CACNG7: variants seen among roughly 807,000 people sequenced by gnomAD.
CACNG7 encodes the protein voltage-dependent calcium channel gamma-7 subunit.
A neutral mutation model predicts 26.3 loss-of-function variants in CACNG7; 9 were observed. The ratio of observed to expected loss-of-function variants is 0.34; its 90% CI spans 0.21 to 0.60. CACNG7 has a LOEUF of 0.60. Among genes scored for constraint, CACNG7 ranks in the 20% least tolerant of loss-of-function variants. CACNG7 has a pLI of 0.81. For synonymous variants in CACNG7, 170 were observed against 157.0 expected (o/e 1.08, Z -0.62); for missense variants, 297 against 380.4 (o/e 0.78, Z 1.82).
At chr19:53,938,765 G>C (rs1482048450) in intron 4 of CACNG7, among the ~76,000 whole-genome samples, 1 of 150,918 alleles carries the variant, frequency 6.6e-6, no homozygotes. Flanking sequence ...TGGGCAACAT[G>C]GCAAAACCCT....
rs751783811 is a variant in CACNG7, at chr19:53,942,337, C to T, written c.*44C>T. The T allele has an allele frequency of 2.1e-6, 3 of 1,462,224 alleles. No homozygotes were observed. Among genetic ancestry groups the T allele is most frequent in the Non-Finnish European group, 1.8e-6 (2 of 1,112,244 alleles). 90.6% of individuals were successfully genotyped at this position (1,462,224 alleles called of 1,614,324 possible). ...CCCCCTGCCTCCTCCTCCTCCTCGTCTTAGGGGGGTCTCCCTGCAATGCAG... is the reference window on the plus strand; with the variant it reads ...CCCCCTGCCTCCTCCTCCTCCTCGTTTTAGGGGGGTCTCCCTGCAATGCAG... On this transcript the variant is annotated 3_prime_UTR_variant, in exon 6 of 6. Transcript: ENST00000391767. The surrounding 1 kb of genome is among the most constrained non-coding windows in gnomAD (Gnocchi z 5.9).
chr19:53,939,550 C>A lies in CACNG7; in HGVS notation c.425-1920C>A, dbSNP rs1046479310. On this transcript the variant is annotated intron_variant, in intron 4 of 5. Coordinates refer to ENST00000391767, the MANE Select transcript of CACNG7 (RefSeq NM_031896.5). The surrounding 1 kb of genome is among the most constrained non-coding windows in gnomAD (Gnocchi z 4.2). ...TCACACAATATGTGATATTTTGCATCTGGCTTCTTTTAGCTTGCTTTCTAG... is the reference window on the plus strand; with the variant it reads ...TCACACAATATGTGATATTTTGCATATGGCTTCTTTTAGCTTGCTTTCTAG... Among the ~76,000 whole-genome samples, 2 of 152,300 alleles carry A rather than the reference C, an allele frequency of 1.3e-5. No individual in the cohort carries two copies. The highest frequency in any genetic ancestry group is 3.9e-4 in the East Asian group (2 of 5,188).
intron 1 of CACNG7, among the ~76,000 whole-genome samples, chr19:53,911,434 G>A (rs986664410): frequency 6.6e-6 from 1 of 152,128 alleles, no homozygotes; most frequent in Non-Finnish European, 1.5e-5. Context: ...GGGTTCCAAT[G>A]TTCTGGGACT....
chr19:53,937,179 G>A (rs911849460), intron 4 of CACNG7, among the ~76,000 whole-genome samples: 2 of 152,106 alleles, frequency 1.3e-5, no homozygotes, highest in African/African-American at 4.8e-5. Context: ...CATGAGCCAC[G>A]GTGCCCAGCC....
At chr19:53,923,927 C>T (rs997267924) in intron 4 of CACNG7, among the ~76,000 whole-genome samples, 4 of 133,750 alleles carry the variant, frequency 3.0e-5, no homozygotes, top group East Asian at 2.4e-4. Flanking sequence ...GTGGAGTTGT[C>T]CCCAGGTCTG....
chr19:53,930,073 A>AC lies in CACNG7; in HGVS notation c.425-11396dup, dbSNP rs2069060664. On this transcript the variant is annotated intron_variant, in intron 4 of 5. Coordinates refer to ENST00000391767, the MANE Select transcript of CACNG7 (RefSeq NM_031896.5). ...ATAATGTTAGATGGTGCTACATGCT[A>AC]CAAAAAAAAAAAAAAAAAAAGCAGG... 1.7e-5 allele frequency among the ~76,000 whole-genome samples: 2 copies of AC among 117,526 alleles called. 1 individual carries two copies. The highest frequency in any genetic ancestry group is 3.5e-5 in the Non-Finnish European group (2 of 57,854). The allele number at this position is 117,526 out of a possible 152,430, so 77.1% of individuals were successfully genotyped here.
intron 4 of CACNG7, among the ~76,000 whole-genome samples, chr19:53,932,753 T>C (rs571743508): frequency 6.6e-6 from 1 of 152,262 alleles, no homozygotes; most frequent in African/African-American, 2.4e-5. Flanking sequence ...TTATGTGGAA[T>C]TCCCACATTG....
intron 4 of CACNG7, among the ~76,000 whole-genome samples, chr19:53,925,617 C>G (rs1369686530): frequency 5.7e-5 from 6 of 104,882 alleles, no homozygotes; most frequent in Non-Finnish European, 1.1e-4. Flanking sequence ...TGCCCCAGGT[C>G]TGGTATTGGT....
At chr19:53,941,963 TGA>T in intron 5 of CACNG7, 71 bp from the exon 6 acceptor site, 1 of 1,474,982 alleles carries the variant, frequency 6.8e-7, no homozygotes, top group Non-Finnish European at 9.0e-7. Flanking sequence ...AGTCCTGGAG[TGA>T]GAGGAGATGA....
chr19:53,924,370 G>T (rs1208289748), intron 4 of CACNG7, among the ~76,000 whole-genome samples: 7 of 147,754 alleles, frequency 4.7e-5, no homozygotes, highest in African/African-American at 1.8e-4. Context: ...TTGTCCCCAG[G>T]TCTGGTCATT....
chr19:53,909,694 C>T lies in CACNG7; in HGVS notation c.-30+177C>T, dbSNP rs1009736760. The stretch of plus-strand genomic sequence containing the variant: ...CAGGGACACCTGGGCCTGGCGATCC[C>T]GGAGGACGGGGTCCGAGGGTCCCGG... On this transcript the variant is annotated intron_variant, in intron 1 of 5. Transcript: ENST00000391767. This position sits in a 1 kb window ranked among gnomAD's most constrained non-coding sequence, Gnocchi z 5.1. Among the ~76,000 whole-genome samples the T allele has an allele frequency of 1.3e-5, 2 of 152,132 alleles. No homozygotes were observed. Among genetic ancestry groups the T allele is most frequent in the African/African-American group, 4.8e-5 (2 of 41,458 alleles).
At chr19:53,920,101 G>C (rs536709683) in intron 4 of CACNG7, among the ~76,000 whole-genome samples, 747 of 120,944 alleles carry the variant, frequency 6.2e-3, no homozygotes, top group Middle Eastern at 0.017. Flanking sequence ...CTGGTCATTG[G>C]TGGAGTTGCC....
chr19:53,938,896 C>T (rs1381636750), intron 4 of CACNG7, among the ~76,000 whole-genome samples: 1 of 151,454 alleles, frequency 6.6e-6, no homozygotes, highest in Non-Finnish European at 1.5e-5. Flanking sequence ...TGCAGTGAGC[C>T]ATGATTGTCC....
rs1461004015 is a variant in CACNG7, at chr19:53,942,296, C to A, written c.*3C>A. ...ACATCTCCACCTCGCCCTGCTGAGGCCCGCCCCTCGGAGCTCCCCCTGCCT... is the reference window on the plus strand; with the variant it reads ...ACATCTCCACCTCGCCCTGCTGAGGACCGCCCCTCGGAGCTCCCCCTGCCT... On this transcript the variant is annotated 3_prime_UTR_variant, in exon 6 of 6. Coordinates refer to ENST00000391767, the MANE Select transcript of CACNG7 (RefSeq NM_031896.5). The surrounding 1 kb of genome is among the most constrained non-coding windows in gnomAD (Gnocchi z 5.9). 1 of 1,604,998 alleles carries A rather than the reference C, an allele frequency of 6.2e-7. No individual in the cohort carries two copies. Among genetic ancestry groups the A allele is most frequent in the East Asian group, 2.2e-5 (1 of 44,614 alleles).
intron 5 of CACNG7, 80 bp from the exon 6 acceptor site, chr19:53,941,956 C>G: frequency 6.8e-7 from 1 of 1,463,790 alleles, no homozygotes; most frequent in Non-Finnish European, 9.1e-7. Context: ...GACTCTGAGT[C>G]CTGGAGTGAG....
At chr19:53,933,287 C>T (rs2069085317) in intron 4 of CACNG7, among the ~76,000 whole-genome samples, 2 of 149,634 alleles carry the variant, frequency 1.3e-5, no homozygotes, top group Admixed American at 6.7e-5. Context: ...CCCGCCACCA[C>T]GCCTGGCCAA....
At chr19:53,928,789 T>C (rs922448619) in intron 4 of CACNG7, among the ~76,000 whole-genome samples, 3 of 151,970 alleles carry the variant, frequency 2.0e-5, no homozygotes, top group Non-Finnish European at 4.4e-5. Context: ...GAGATGAGGA[T>C]TTTGGAACAA....
chr19:53,920,056 T>C (rs2068929226), intron 4 of CACNG7, among the ~76,000 whole-genome samples: 2 of 127,676 alleles, frequency 1.6e-5, no homozygotes, highest in East Asian at 4.8e-4. Flanking sequence ...TTGGTGGACT[T>C]GCCCCAGGCT....
intron 2 of CACNG7, among the ~76,000 whole-genome samples, chr19:53,913,785 TAAAAAAA>T (rs58238779): frequency 8.5e-5 from 8 of 94,018 alleles, no homozygotes; most frequent in South Asian, 3.8e-4. Flanking sequence ...CCCAGTCTCT[TAAAAAAA>T]AAAAAAAAAA....
Sources: gnomAD v4.1 joint callset for allele counts (sites outside exome capture counted in the v4.1 genomes callset) on GRCh38, gnomAD v4.1.1 for gene constraint, Gnocchi (gnomAD v3.1) non-coding constraint, MANE v1.5 for transcripts, NCBI Gene and HGNC (gene_info 2026-07-23, HGNC 2026-07-21) for gene names.